The following PSMA5 variants were observed in gnomAD, a reference collection of about 807,000 sequenced individuals.
PSMA5 encodes the protein proteasome subunit alpha type-5.
In PSMA5, 3 loss-of-function variants were observed where a neutral mutation model predicts 34.5. That is an observed-to-expected ratio of 0.09 (90% CI 0.04 to 0.22). PSMA5 has a LOEUF of 0.22. Ranked by LOEUF, PSMA5 falls within the 10% of genes least tolerant of loss-of-function variation. PSMA5 has a pLI of 1.00. For synonymous variants in PSMA5, 88 were observed against 95.8 expected (o/e 0.92, Z 0.47); for missense variants, 120 against 286.1 (o/e 0.42, Z 4.19).
chr1:109,408,527 T>C (rs899401914), intron 8 of PSMA5, among the ~76,000 whole-genome samples: 3 of 152,242 alleles, frequency 2.0e-5, no homozygotes, highest in African/African-American at 7.2e-5. Context: ...TTGGATTTTC[T>C]GTGTCTGTAA....
intron 8 of PSMA5, among the ~76,000 whole-genome samples, chr1:109,406,732 A>G (rs1475024047): frequency 6.6e-6 from 1 of 152,146 alleles, no homozygotes; most frequent in Non-Finnish European, 1.5e-5. Context: ...TAGTGACAAA[A>G]AGTAGATCAA....
chr1:109,410,405 T>G (rs1653943311), intron 7 of PSMA5, among the ~76,000 whole-genome samples: 2 of 152,178 alleles, frequency 1.3e-5, no homozygotes, highest in Non-Finnish European at 2.9e-5. Context: ...AAATTCAAAT[T>G]TACCCTGTTT....
intron 2 of PSMA5, among the ~76,000 whole-genome samples, chr1:109,420,473 C>G (rs1465770286): frequency 6.6e-6 from 1 of 152,146 alleles, no homozygotes; most frequent in South Asian, 2.1e-4. Context: ...AAAAGCTGAA[C>G]CTAGATGATG....
chr1:109,404,484 G>A (rs556893520), intron 8 of PSMA5, among the ~76,000 whole-genome samples: 5 of 152,104 alleles, frequency 3.3e-5, no homozygotes, highest in African/African-American at 9.6e-5. Flanking sequence ...ACATTACAGG[G>A]GCTAAAAAGC....
intron 8 of PSMA5, among the ~76,000 whole-genome samples, chr1:109,408,500 T>C (rs1416108679): frequency 6.6e-6 from 1 of 152,214 alleles, no homozygotes; most frequent in African/African-American, 2.4e-5. Context: ...CTACACAGTA[T>C]ACTACTTGAA....
Position 109,402,085 on chromosome 1 carries a change from G to C in PSMA5, c.654C>G (p.Ala218=), listed in dbSNP as rs1198289849. 1 of 1,611,248 alleles carries C rather than the reference G, an allele frequency of 6.2e-7. No individual in the cohort carries two copies. The highest frequency in any genetic ancestry group is 8.5e-7 in the Non-Finnish European group (1 of 1,178,534). Residue 218 remains alanine, a synonymous_variant, in exon 9 of 9, where the codon GCC becomes GCG. Coordinates refer to ENST00000271308, the MANE Select transcript of PSMA5 (RefSeq NM_002790.4). ...GGAAATTCTGGCCAGGCTGCACTGT[G>C]GCTAGCTGGAAAGAAAACAGAAGGG... ...EKLNATNIEL[A]TVQPGQNFHM...
At chr1:109,403,530 T>G (rs1653621784) in intron 8 of PSMA5, among the ~76,000 whole-genome samples, 2 of 151,866 alleles carry the variant, frequency 1.3e-5, no homozygotes, top group Non-Finnish European at 2.9e-5. Context: ...CTCAGGAGGC[T>G]GAGGTGGGAG....
chr1:109,421,971 C>G (rs1192462837), intron 1 of PSMA5, 45 bp from the exon 2 acceptor site: 1 of 1,241,258 alleles, frequency 8.1e-7, no homozygotes, highest in Non-Finnish European at 1.1e-6. Context: ...TAAAAACTAG[C>G]CATGTAGACA....
chr1:109,409,918 CAG>C lies in PSMA5; in HGVS notation c.648+8_648+9del, dbSNP rs747729515. The C allele has an allele frequency of 6.4e-7, 1 of 1,570,050 alleles. No individual in the cohort carries two copies. Among genetic ancestry groups the C allele is most frequent in the South Asian group, 1.2e-5 (1 of 84,894 alleles). ...AACCGAAAAAAATCCAACAATAAAA[CAG>C]AAAGTACCTCAATGTTTGTTGCATT... On this transcript the variant is annotated splice_region_variant and intron_variant, in intron 8 of 8. Transcript: ENST00000271308.
chr1:109,405,760 G>A (rs1653732169), intron 8 of PSMA5, among the ~76,000 whole-genome samples: 1 of 152,060 alleles, frequency 6.6e-6, no homozygotes, highest in Non-Finnish European at 1.5e-5. Context: ...TTTAAGTGGA[G>A]AACCATTAAG....
At position 109,426,320 on chromosome 1, in the gene PSMA5, G is replaced by T; in HGVS notation, c.11C>A (p.Thr4Asn). 1.9e-6 allele frequency: 3 copies of T among 1,612,176 alleles called. No homozygotes were observed. The highest frequency in any genetic ancestry group is 2.5e-6 in the Non-Finnish European group (3 of 1,179,152). ...CACGGACCTGTCGTACTCAGACCGG[G>T]TAAGAAACATGGCGAGGGTAGGAGG... MFLTRSEYDRGVNT... is the reference protein window; with the variant it reads MFLNRSEYDRGVNT... Residue 4 changes from threonine to asparagine, a missense_variant, in exon 1 of 9, where the codon ACC becomes AAC. This residue lies in a region of PSMA5 where 17 missense variants were observed against 63.5 expected (regional missense o/e 0.27). Coordinates refer to ENST00000271308, the MANE Select transcript of PSMA5 (RefSeq NM_002790.4).
intron 8 of PSMA5, 96 bp from the exon 9 acceptor site, chr1:109,402,186 T>A: frequency 1.2e-6 from 1 of 858,510 alleles, no homozygotes; most frequent in Non-Finnish European, 1.9e-6. Flanking sequence ...ATGCAGCTAT[T>A]CATTAGGAAC....
rs754654924 is a variant in PSMA5, at chr1:109,400,616, C to A, written c.*1397G>T. The A allele has an allele frequency of 3.9e-5, 6 of 152,198 alleles. No homozygotes were observed. Among genetic ancestry groups the A allele is most frequent in the Non-Finnish European group, 7.4e-5 (5 of 68,026 alleles). 9.4% of individuals were successfully genotyped at this position (152,198 alleles called of 1,614,324 possible). On this transcript the variant is annotated 3_prime_UTR_variant, in exon 9 of 9. Coordinates refer to ENST00000271308, the MANE Select transcript of PSMA5 (RefSeq NM_002790.4). Reference sequence around the variant, plus strand: ...CATTCAGTAACAATATACTCTAATTCTCTGCTTTCCTTATGTGTTATTCTA... The same window carrying A: ...CATTCAGTAACAATATACTCTAATTATCTGCTTTCCTTATGTGTTATTCTA...
At position 109,421,945 on chromosome 1, in the gene PSMA5, T is replaced by A. The variant is rs760159921; in HGVS notation, c.30-19A>T. Reference sequence around the variant, plus strand: ...CACGCCCCTATAATTTAAAAAAAAATTATTAATTATACTCATAAAAACTAG... The same window carrying A: ...CACGCCCCTATAATTTAAAAAAAAAATATTAATTATACTCATAAAAACTAG... On this transcript the variant is annotated intron_variant, in intron 1 of 8. Coordinates refer to ENST00000271308, the MANE Select transcript of PSMA5 (RefSeq NM_002790.4). 15 of 1,428,104 alleles carry A rather than the reference T, an allele frequency of 1.1e-5. No individual in the cohort carries two copies. In the South Asian group the frequency reaches 1.7e-4, roughly 16 times the overall value. The allele number at this position is 1,428,104 out of a possible 1,614,324, so 88.5% of individuals were successfully genotyped here. A position where few individuals can be genotyped will look rare whatever the true frequency, so the allele number is the denominator to read the frequency against.
Position 109,409,860 on chromosome 1 carries a change from G to A in PSMA5, c.648+68C>T. The A allele has an allele frequency of 2.7e-6, 3 of 1,127,594 alleles. No individual in the cohort carries two copies. The South Asian group carries it at 4.1e-5, about 15-fold the overall frequency. The allele number at this position is 1,127,594 out of a possible 1,614,324, so 69.8% of individuals were successfully genotyped here. A position where few individuals can be genotyped will look rare whatever the true frequency, so the allele number is the denominator to read the frequency against. ...ACTCATGAGTTCAAGACCAGTCTAG[G>A]CAATATAGCCAGACCTCATCTCTTA... On this transcript the variant is annotated intron_variant, in intron 8 of 8. Coordinates refer to ENST00000271308, the MANE Select transcript of PSMA5 (RefSeq NM_002790.4).
Position 109,412,060 on chromosome 1 carries a change from A to G in PSMA5, c.399+17T>C, listed in dbSNP as rs532162233. 2 of 1,608,964 alleles carry G rather than the reference A, an allele frequency of 1.2e-6. No homozygotes were observed. The highest frequency in any genetic ancestry group is 2.7e-5 in the African/African-American group (2 of 74,948). On this transcript the variant is annotated intron_variant, in intron 5 of 8. Coordinates refer to ENST00000271308, the MANE Select transcript of PSMA5 (RefSeq NM_002790.4). ...CCATAGAACAATAAGAAAACTCGAC[A>G]GAAGTATCACACTCACCATGGCACC...
In PSMA5 at chr1:109,415,381, A is replaced by G; in HGVS notation, c.97-18T>C. The G allele has an allele frequency of 3.7e-6, 6 of 1,609,414 alleles. No individual in the cohort carries two copies. Among genetic ancestry groups the G allele is most frequent in the South Asian group, 1.1e-5 (1 of 90,470 alleles). ...GAACCAAGCTAAAGAGAAACATGTT[A>G]TGATTACCATATATAGGTCAAATAA... On this transcript the variant is annotated intron_variant, in intron 2 of 8. Transcript: ENST00000271308.
chr1:109,426,429 C>T lies in PSMA5; in HGVS notation c.-99G>A. 2.0e-6 allele frequency: 3 copies of T among 1,482,100 alleles called. No homozygotes were observed. The highest frequency in any genetic ancestry group is 1.4e-5 in the African/African-American group (1 of 72,210). The allele number at this position is 1,482,100 out of a possible 1,614,324, so 91.8% of individuals were successfully genotyped here. A position where few individuals can be genotyped will look rare whatever the true frequency, so the allele number is the denominator to read the frequency against. On this transcript the variant is annotated 5_prime_UTR_variant, in exon 1 of 9. Transcript: ENST00000271308. ...CCGGCAGCCAACTCACCCACACGGC[C>T]GCAGTACTAAGGACCAACTGCGCGT...
chr1:109,406,993 T>C (rs1440871267), intron 8 of PSMA5, among the ~76,000 whole-genome samples: 1 of 152,156 alleles, frequency 6.6e-6, no homozygotes, highest in Non-Finnish European at 1.5e-5. Flanking sequence ...TGGATATATA[T>C]ATATATTTTG....
Sources: gnomAD v4.1 joint callset for allele counts (sites outside exome capture counted in the v4.1 genomes callset) on GRCh38, gnomAD v4.1.1 for gene constraint, gnomAD v4.1.1 regional missense constraint, MANE v1.5 for transcripts, NCBI Gene and HGNC (gene_info 2026-07-23, HGNC 2026-07-21) for gene names.